The following CORO2B variants were observed in gnomAD, a reference collection of about 807,000 sequenced individuals.
CORO2B encodes coronin-2B.
Under a neutral mutation model 58.8 loss-of-function variants are expected in CORO2B, and 26 were observed. That is an observed-to-expected ratio of 0.44 (90% CI 0.32 to 0.61). CORO2B has a LOEUF of 0.61. CORO2B is among the 20% of genes least tolerant of loss of function. The probability of loss-of-function intolerance (pLI) is 0.04; values close to 1 mark genes in which losing one functional copy is unlikely to be tolerated. For missense variants in CORO2B, 460 were observed against 645.1 expected, an observed-to-expected ratio of 0.71 and a Z score of 3.11; for synonymous variants, 242 against 253.8, an observed-to-expected ratio of 0.95 and a Z score of 0.44.
intron 2 of CORO2B, among the ~76,000 whole-genome samples, chr15:68,685,762 T>TTTGG (rs1555416473): frequency 3.2e-5 from 1 of 31,348 alleles, no homozygotes; most frequent in Non-Finnish European, 1.7e-4. Context: ...TATTTAATTG[T>TTTGG]TTGATTGATT....
intron 1 of CORO2B, among the ~76,000 whole-genome samples, chr15:68,598,631 GC>G (rs953973817): frequency 1.6e-4 from 24 of 152,068 alleles, no homozygotes; most frequent in Admixed American, 1.6e-3. Context: ...GGCCTTGAAC[GC>G]CCCTCTGCAG....
intron 11 of CORO2B, among the ~76,000 whole-genome samples, chr15:68,721,277 A>G (rs1893153718): frequency 6.6e-6 from 1 of 152,206 alleles, no homozygotes; most frequent in African/African-American, 2.4e-5. Flanking sequence ...GATAATTGCC[A>G]TAAAATATGC....
intron 2 of CORO2B, among the ~76,000 whole-genome samples, chr15:68,673,010 C>A (rs1230067238): frequency 1.3e-5 from 2 of 152,098 alleles, no homozygotes; most frequent in East Asian, 3.9e-4. Flanking sequence ...ACATAGCAGG[C>A]AGGAGAACCC....
At chr15:68,548,301 G>C in the CORO2B span, among the ~76,000 whole-genome samples, 12 of 151,036 alleles carry the variant, frequency 7.9e-5, no homozygotes, top group Non-Finnish European at 1.5e-4. Context: ...CATTTTGTTC[G>C]CCTGTTCTTC....
intron 2 of CORO2B, among the ~76,000 whole-genome samples, chr15:68,657,288 G>A (rs937453480): frequency 6.6e-6 from 1 of 152,134 alleles, no homozygotes; most frequent in Non-Finnish European, 1.5e-5. Context: ...AGGCCAAGGT[G>A]GAAGGATTGC....
intron 1 of CORO2B, among the ~76,000 whole-genome samples, chr15:68,642,948 G>GAAAAGACAGAGAAATACCTGGTGTTC (rs1901303855): frequency 6.6e-6 from 1 of 152,174 alleles, no homozygotes; most frequent in Non-Finnish European, 1.5e-5. Flanking sequence ...GTTCTGCATG[G>GAAAAGACAGAGAAATACCTGGTGTTC]AAAAGACAGA....
intron 5 of CORO2B, among the ~76,000 whole-genome samples, chr15:68,713,609 C>T (rs1260147313): frequency 6.6e-6 from 1 of 152,156 alleles, no homozygotes; most frequent in Non-Finnish European, 1.5e-5. Flanking sequence ...TGCCGGCTCC[C>T]GTGGCTGGTG....
intron 1 of CORO2B, 33 bp downstream of exon 1, chr15:68,579,310 C>G (rs1899358218): frequency 1.2e-5 from 15 of 1,279,544 alleles, no homozygotes; most frequent in Non-Finnish European, 1.5e-5. Flanking sequence ...GCCCGGGACC[C>G]GCCGGCGCCT....
At chr15:68,680,504 AG>A (rs1460929114) in intron 2 of CORO2B, among the ~76,000 whole-genome samples, 1 of 152,130 alleles carries the variant, frequency 6.6e-6, no homozygotes, top group Admixed American at 6.5e-5. Flanking sequence ...TACCCCCTTG[AG>A]TTGTGCAGTG....
the CORO2B span, among the ~76,000 whole-genome samples, chr15:68,530,044 G>T: frequency 1.3e-5 from 2 of 152,302 alleles, no homozygotes; most frequent in East Asian, 1.9e-4. Context: ...TGCTGAGACG[G>T]CCGGGCACAG....
In CORO2B at chr15:68,697,056, G is replaced by C. The variant is rs543656928; in HGVS notation, c.333+1800G>C. 2.6e-5 allele frequency among the ~76,000 whole-genome samples: 4 copies of C among 152,312 alleles called. No homozygotes were observed. The East Asian group carries it at 5.8e-4, about 22-fold the overall frequency. ...ACCCCATGCATCCAGCACAGGGCCT[G>C]GTACCTAATAAATGCTTAGTAGGTG... On this transcript the variant is annotated intron_variant, in intron 3 of 11. Coordinates refer to ENST00000261861, the MANE Select transcript of CORO2B (RefSeq NM_006091.5).
At chr15:68,705,451 A>AG (rs1479114411) in intron 3 of CORO2B, among the ~76,000 whole-genome samples, 101 of 151,638 alleles carry the variant, frequency 6.7e-4, no homozygotes, top group South Asian at 3.8e-3. Context: ...AAAAAAAAAA[A>AG]AAAGAAAGTA....
chr15:68,710,756 G>A lies in CORO2B; in HGVS notation c.358G>A (p.Gly120Ser). ...GGTGCGGATCTGGGAGATCCCCGAG[G>A]GCGGGCTGAAGCGGAACATGACGGA... ...TSVRIWEIPE[G>S]GLKRNMTEAL... Residue 120 changes from glycine (G) to serine (S), a missense_variant, in exon 4 of 12, where the codon GGC becomes AGC. By Grantham distance (56) the Gly-to-Ser change is moderately conservative. Coordinates refer to ENST00000261861, the MANE Select transcript of CORO2B (RefSeq NM_006091.5). This position sits in a 1 kb window ranked among gnomAD's most constrained non-coding sequence, Gnocchi z 4.1. The A allele has an allele frequency of 6.2e-7, 1 of 1,610,464 alleles. No homozygotes were observed. Among genetic ancestry groups the A allele is most frequent in the Admixed American group, 1.7e-5 (1 of 59,634 alleles).
Position 68,677,043 on chromosome 15 carries a change from G to T in CORO2B, c.217-18097G>T, listed in dbSNP as rs141883452. On this transcript the variant is annotated intron_variant, in intron 2 of 11. Coordinates refer to ENST00000261861, the MANE Select transcript of CORO2B (RefSeq NM_006091.5). ...CCCATTTCAGCCTCCCAAAATGCTG[G>T]GATTACAGGCATGAGCCACGGTGCC... Among the ~76,000 whole-genome samples, 256 of 152,210 alleles carry T rather than the reference G, an allele frequency of 1.7e-3. 3 individuals are homozygous for T. The highest frequency in any genetic ancestry group is 5.9e-3 in the African/African-American group (244 of 41,512).
intron 4 of CORO2B, 62 bp from the exon 5 acceptor site, chr15:68,711,480 G>T: frequency 6.7e-7 from 1 of 1,500,446 alleles, no homozygotes; most frequent in Non-Finnish European, 9.0e-7. Context: ...TGTGCACTGG[G>T]GACAAACACC....
At chr15:68,700,040 C>G (rs565579981) in intron 3 of CORO2B, among the ~76,000 whole-genome samples, 6 of 152,302 alleles carry the variant, frequency 3.9e-5, no homozygotes, top group Non-Finnish European at 8.8e-5. Context: ...TTTGCAGCTT[C>G]CAGGGGGTGG....
Position 68,687,907 on chromosome 15 carries a change from A to G in CORO2B, c.217-7233A>G, listed in dbSNP as rs111330798. Reference sequence around the variant, plus strand: ...ATCCATGCATGAGGGCACAGCCCTCATGACCTAATCACCTCTTATAACCAC... The same window carrying G: ...ATCCATGCATGAGGGCACAGCCCTCGTGACCTAATCACCTCTTATAACCAC... On this transcript the variant is annotated intron_variant, in intron 2 of 11. Coordinates refer to ENST00000261861, the MANE Select transcript of CORO2B (RefSeq NM_006091.5). 1.8e-3 allele frequency among the ~76,000 whole-genome samples: 271 copies of G among 152,366 alleles called. 4 individuals carry two copies. Among genetic ancestry groups the G allele is most frequent in the African/African-American group, 6.2e-3 (259 of 41,596 alleles).
chr15:68,580,339 A>C (rs1899396967), intron 1 of CORO2B, among the ~76,000 whole-genome samples: 1 of 151,494 alleles, frequency 6.6e-6, no homozygotes. Flanking sequence ...GGGGAGCTGG[A>C]GGCCAAAGTG....
At chr15:68,551,154 C>T in the CORO2B span, among the ~76,000 whole-genome samples, 7 of 152,130 alleles carry the variant, frequency 4.6e-5, no homozygotes, top group Non-Finnish European at 8.8e-5. Context: ...ACTCGCTTTC[C>T]AAAGTGGGCA....
Sources: gnomAD v4.1 joint callset for allele counts (sites outside exome capture counted in the v4.1 genomes callset) on GRCh38, gnomAD v4.1.1 for gene constraint, Gnocchi (gnomAD v3.1) non-coding constraint, MANE v1.5 for transcripts, NCBI Gene and HGNC (gene_info 2026-07-23, HGNC 2026-07-21) for gene names.